The following XRRA1 variants were observed in gnomAD, a reference collection of about 807,000 sequenced individuals.
The protein encoded by XRRA1 is X-ray radiation resistance-associated protein 1.
A neutral mutation model predicts 80.2 loss-of-function variants in XRRA1; 69 were observed. The ratio of observed to expected loss-of-function variants is 0.86; its 90% CI spans 0.71 to 1.05. The LOEUF (loss-of-function observed/expected upper bound fraction) is 1.05, where lower values mean the gene tolerates loss of function less well. XRRA1 is among the 50% of genes least tolerant of loss of function. The probability of loss-of-function intolerance (pLI) is 0.00; values close to 1 mark genes in which losing one functional copy is unlikely to be tolerated. For missense variants in XRRA1, 967 were observed against 976.4 expected, an observed-to-expected ratio of 0.99 and a Z score of 0.13; for synonymous variants, 348 against 389.9, an observed-to-expected ratio of 0.89 and a Z score of 1.27.
At chr11:74,908,772 G>C (rs1222183134) in intron 8 of XRRA1, among the ~76,000 whole-genome samples, 1 of 152,140 alleles carries the variant, frequency 6.6e-6, no homozygotes, top group Non-Finnish European at 1.5e-5. Context: ...AAACCATGAG[G>C]AATGGAGAGG....
intron 8 of XRRA1, among the ~76,000 whole-genome samples, chr11:74,910,469 G>T (rs1772323426): frequency 6.6e-6 from 1 of 152,072 alleles, no homozygotes; most frequent in African/African-American, 2.4e-5. Flanking sequence ...CGTATAGAAT[G>T]GGTCAAATAT....
chr11:74,948,744 G>C (rs2165162), intron 1 of XRRA1, among the ~76,000 whole-genome samples, 184 bp downstream of exon 1: 38,477 of 152,076 alleles, frequency 0.25, 5,808 homozygotes, highest in East Asian at 0.53. Flanking sequence ...CTCAGTAAAC[G>C]CGAGTTCTCC....
At chr11:74,930,925 C>T (rs1943388896) in intron 5 of XRRA1, among the ~76,000 whole-genome samples, 1 of 152,098 alleles carries the variant, frequency 6.6e-6, no homozygotes, top group Non-Finnish European at 1.5e-5. Context: ...CCACCTCAGC[C>T]TCTTGAGTAT....
intron 10 of XRRA1, among the ~76,000 whole-genome samples, chr11:74,868,062 C>G (rs577363657): frequency 6.6e-6 from 1 of 151,860 alleles, no homozygotes; most frequent in African/African-American, 2.4e-5. Flanking sequence ...ACTGGGATTA[C>G]AAGCATGCGT....
chr11:74,929,005 A>G (rs1389513999), intron 6 of XRRA1, among the ~76,000 whole-genome samples: 3 of 152,194 alleles, frequency 2.0e-5, no homozygotes, highest in Admixed American at 6.5e-5. Flanking sequence ...ATTATTAGTG[A>G]GGTTGAACAC....
In XRRA1 at chr11:74,940,652, G is replaced by C. The variant is rs536890098; in HGVS notation, c.94+133C>G. On this transcript the variant is annotated intron_variant, in intron 3 of 18. Transcript: ENST00000684022. ...TTTAGAAGTCCCATGGAGGCTACTA[G>C]GACTGGAGGGGGAAGGATTAGGTAG... 3.3e-4 allele frequency: 235 copies of C among 718,696 alleles called. 1 individual carries two copies. Among genetic ancestry groups the C allele is most frequent in the South Asian group, 1.8e-3 (104 of 58,280 alleles). 44.5% of individuals were successfully genotyped at this position (718,696 alleles called of 1,614,324 possible).
chr11:74,901,918 A>G lies in XRRA1; in HGVS notation c.1003+4321T>C, dbSNP rs752130941. 8.1e-4 allele frequency among the ~76,000 whole-genome samples: 123 copies of G among 152,320 alleles called. No individual in the cohort carries two copies. The Middle Eastern group carries it at 0.01, about 13-fold the overall frequency. ...AGGCAACCAAAGCAAAAATAGACAA[A>G]TGGGATCACATCAAGTTAAAAAGCT... On this transcript the variant is annotated intron_variant, in intron 10 of 18. Coordinates refer to ENST00000684022, the MANE Select transcript of XRRA1 (RefSeq NM_001378157.1).
At chr11:74,907,479 A>G (rs954397763) in intron 8 of XRRA1, among the ~76,000 whole-genome samples, 3 of 152,140 alleles carry the variant, frequency 2.0e-5, no homozygotes, top group African/African-American at 7.2e-5. Context: ...TATACATACC[A>G]TATTGTCTTC....
intron 8 of XRRA1, among the ~76,000 whole-genome samples, chr11:74,914,819 T>C (rs1344625953): frequency 6.6e-6 from 1 of 151,754 alleles, no homozygotes; most frequent in African/African-American, 2.4e-5. Context: ...CCACTCATCA[T>C]GAACTGAACA....
chr11:74,930,179 T>G (rs752828270), intron 6 of XRRA1, 121 bp downstream of exon 6: 22 of 836,980 alleles, frequency 2.6e-5, no homozygotes, highest in African/African-American at 5.2e-5. Flanking sequence ...CCCAGCCTAT[T>G]GTACTCCAAA....
intron 1 of XRRA1, among the ~76,000 whole-genome samples, chr11:74,947,214 T>C (rs1947756911): frequency 6.6e-6 from 1 of 152,142 alleles, no homozygotes; most frequent in Admixed American, 6.5e-5. Flanking sequence ...GTAGGTGACA[T>C]TAAAGCTGGA....
chr11:74,861,754 T>G (rs1835971458), intron 11 of XRRA1, among the ~76,000 whole-genome samples: 1 of 152,134 alleles, frequency 6.6e-6, no homozygotes, highest in African/African-American at 2.4e-5. Flanking sequence ...AGTAAAACTG[T>G]GATTGTAAGT....
intron 10 of XRRA1, chr11:74,864,176 C>G (rs2042897403): frequency 6.6e-6 from 1 of 152,104 alleles, no homozygotes; most frequent in African/African-American, 2.4e-5. Flanking sequence ...CTGAGAAATT[C>G]AAAAGTTTCA....
At chr11:74,864,392 CT>C (rs2042946941) in intron 10 of XRRA1, among the ~76,000 whole-genome samples, 1 of 152,192 alleles carries the variant, frequency 6.6e-6, no homozygotes, top group Admixed American at 6.5e-5. Context: ...CTCATGTCCC[CT>C]CACAACCACA....
chr11:74,906,106 A>G (rs1000799967), intron 10 of XRRA1, 133 bp downstream of exon 10: 6 of 806,612 alleles, frequency 7.4e-6, no homozygotes, highest in Non-Finnish European at 9.6e-6. Context: ...CATAGATGCA[A>G]ACATCCTTGA....
chr11:74,863,478 AAATATTTCTT>A (rs1203850093), intron 10 of XRRA1: 1 of 159,086 alleles, frequency 6.3e-6, no homozygotes, highest in Non-Finnish European at 1.4e-5. Flanking sequence ...GAGGATTTGG[AAATATTTCTT>A]ATATTAGTAG....
intron 10 of XRRA1, among the ~76,000 whole-genome samples, chr11:74,889,630 A>C (rs1238074152): frequency 3.9e-5 from 6 of 152,212 alleles, no homozygotes; most frequent in African/African-American, 1.2e-4. Flanking sequence ...AGAGTCAAGA[A>C]CCATCAGTGT....
chr11:74,896,938 G>A (rs1034840907), intron 10 of XRRA1, among the ~76,000 whole-genome samples: 5 of 152,100 alleles, frequency 3.3e-5, no homozygotes, highest in Non-Finnish European at 7.4e-5. Flanking sequence ...AATAAGCCCA[G>A]ATTATGATGA....
intron 14 of XRRA1, among the ~76,000 whole-genome samples, chr11:74,848,804 C>T (rs190574531): frequency 3.9e-5 from 6 of 152,210 alleles, no homozygotes; most frequent in Non-Finnish European, 7.3e-5. Context: ...AGGCTTCATG[C>T]TGCATCCCTG....
Sources: gnomAD v4.1 joint callset for allele counts (sites outside exome capture counted in the v4.1 genomes callset) on GRCh38, gnomAD v4.1.1 for gene constraint, MANE v1.5 for transcripts, NCBI Gene and HGNC (gene_info 2026-07-23, HGNC 2026-07-21) for gene names.